Variants in ABAT observed in about 807,000 individuals in gnomAD.
ABAT encodes 4-aminobutyrate aminotransferase, mitochondrial.
In ABAT, 45 loss-of-function variants were observed where a neutral mutation model predicts 64.6. The ratio of observed to expected loss-of-function variants is 0.70; its 90% confidence interval spans 0.55 to 0.89. The LOEUF (loss-of-function observed/expected upper bound fraction) is 0.89. ABAT is among the 40% of genes least tolerant of loss of function. ABAT has a pLI of 0.00. For synonymous variants in ABAT, 297 were observed against 250.5 expected, an observed-to-expected ratio of 1.19 and a Z score of -1.75; for missense variants, 633 against 658.4, an observed-to-expected ratio of 0.96 and a Z score of 0.42.
intron 5 of ABAT, among the ~76,000 whole-genome samples, chr16:8,754,698 CTTTCTTTCTTTCTTTCTTTCTTTCTTTT>C (rs2059598519): frequency 1.4e-4 from 10 of 72,242 alleles, no homozygotes; most frequent in East Asian, 4.9e-4. Context: ...TTCTTTCTTT[CTTTCTTTCTTTCTTTCTTTCTTTCTTTT>C]TTTTTTCTTG....
At chr16:8,755,788 G>A (rs892825025) in intron 5 of ABAT, among the ~76,000 whole-genome samples, 1 of 151,530 alleles carries the variant, frequency 6.6e-6, no homozygotes, top group South Asian at 2.1e-4. Context: ...GGTGACTACC[G>A]CCTGTAATCC....
chr16:8,682,774 C>G (rs1341944761), intron 1 of ABAT, among the ~76,000 whole-genome samples: 2 of 152,172 alleles, frequency 1.3e-5, no homozygotes, highest in African/African-American at 4.8e-5. Context: ...TATTCTAGTA[C>G]CTTACTACTG....
At chr16:8,758,419 G>T (rs1418165679) in intron 6 of ABAT, among the ~76,000 whole-genome samples, 2 of 152,194 alleles carry the variant, frequency 1.3e-5, no homozygotes, top group Non-Finnish European at 2.9e-5. Context: ...TCTCAGCAGA[G>T]AGAAGAGGGC....
intron 12 of ABAT, 92 bp downstream of exon 12, chr16:8,773,009 C>T (rs527344413): frequency 1.3e-6 from 2 of 1,547,568 alleles, no homozygotes; most frequent in South Asian, 2.3e-5. Flanking sequence ...TGCCTTGGAG[C>T]TTCTGTCAAT....
At chr16:8,774,823 A>G (rs1019160473) in intron 12 of ABAT, 67 bp from the exon 13 acceptor site, 1 of 1,595,512 alleles carries the variant, frequency 6.3e-7, no homozygotes, top group Non-Finnish European at 8.6e-7. Flanking sequence ...TTAGCTGGCT[A>G]TGGAGGGCAT....
rs41311266 is a variant in ABAT at position 8,772,933 on chromosome 16, C to T, written c.954+16C>T. On this transcript the variant is annotated intron_variant, in intron 12 of 15. Transcript: ENST00000268251. ...CGCCAGGAAGGTCAGTGGACAGGGC[C>T]GAGGTTGGATGGAGCCATTGGGTTT... The T allele has an allele frequency of 7.5e-3, 12,127 of 1,612,984 alleles. 85 individuals are homozygous for T. Among genetic ancestry groups the T allele is most frequent in the Middle Eastern group, 0.026 (140 of 5,372 alleles).
intron 12 of ABAT, 30 bp downstream of exon 12, chr16:8,772,947 G>C (rs748499223): frequency 2.0e-5 from 32 of 1,612,414 alleles, no homozygotes; most frequent in Non-Finnish European, 2.5e-5. Flanking sequence ...GTTGGATGGA[G>C]CCATTGGGTT....
At chr16:8,677,401 T>C (rs1295916950) in intron 1 of ABAT, among the ~76,000 whole-genome samples, 1 of 152,186 alleles carries the variant, frequency 6.6e-6, no homozygotes, top group East Asian at 1.9e-4. Flanking sequence ...TGAAGCCAGA[T>C]GGAGTAGAGA....
intron 1 of ABAT, among the ~76,000 whole-genome samples, chr16:8,711,395 G>A (rs1315940509): frequency 2.6e-5 from 4 of 152,148 alleles, no homozygotes; most frequent in Non-Finnish European, 4.4e-5. Context: ...CAGAGCTACC[G>A]TGGAAGTCAA....
chr16:8,754,084 G>T (rs1048099670), intron 5 of ABAT, among the ~76,000 whole-genome samples: 5 of 149,654 alleles, frequency 3.3e-5, no homozygotes, highest in Admixed American at 1.4e-4. Context: ...AGTGGCTCAC[G>T]CCTGTAATCC....
In ABAT at chr16:8,700,550, C is replaced by T. The variant is rs150256429; in HGVS notation, c.-42+25839C>T. 9.7e-4 allele frequency among the ~76,000 whole-genome samples: 148 copies of T among 152,284 alleles called. 2 individuals carry two copies. In the Middle Eastern group the frequency reaches 0.014, roughly 14 times the overall value. On this transcript the variant is annotated intron_variant, in intron 1 of 15. Transcript: ENST00000268251. ...TATAAACGGAATCATACCGTAGATA[C>T]TCCTTGATGTCAGGCGTCTCCCTCT...
At chr16:8,685,195 A>G (rs1401355234) in intron 1 of ABAT, among the ~76,000 whole-genome samples, 2 of 152,120 alleles carry the variant, frequency 1.3e-5, no homozygotes, top group African/African-American at 4.8e-5. Context: ...CTGAGGCACA[A>G]GAATCACTTG....
intron 14 of ABAT, among the ~76,000 whole-genome samples, chr16:8,777,273 C>T (rs568987736): frequency 2.4e-4 from 36 of 152,092 alleles, no homozygotes; most frequent in Admixed American, 9.2e-4. Context: ...CTCTCTCACC[C>T]CCTCTAGTGT....
At position 8,776,508 on chromosome 16, in the gene ABAT, G is replaced by T. The variant is rs1567317709; in HGVS notation, c.1269+18G>T. ...ACCTCCAGGTAACACCCCCTCCCCT[G>T]CCCCGCCCCCACCACCCATGGCTCC... is the stretch of plus-strand genomic sequence containing the variant. On this transcript the variant is annotated intron_variant, in intron 14 of 15. Transcript: ENST00000268251. This position sits in a 1 kb window ranked among gnomAD's most constrained non-coding sequence, Gnocchi z 4.4. The T allele has an allele frequency of 6.3e-7, 1 of 1,580,272 alleles. No individual in the cohort carries two copies. The highest frequency in any genetic ancestry group is 8.6e-7 in the Non-Finnish European group (1 of 1,163,580).
intron 9 of ABAT, among the ~76,000 whole-genome samples, chr16:8,766,658 CAAACAAAA>C (rs541383532): frequency 3.4e-4 from 50 of 147,752 alleles, no homozygotes; most frequent in Middle Eastern, 3.8e-3. Context: ...CCTCTCAAAA[CAAACAAAA>C]AAACAAAAAC....
At chr16:8,726,923 T>C (rs913779156) in intron 1 of ABAT, among the ~76,000 whole-genome samples, 1 of 152,248 alleles carries the variant, frequency 6.6e-6, no homozygotes, top group Admixed American at 6.5e-5. Flanking sequence ...AGTTTTGATT[T>C]GCCTTCTCTG....
intron 14 of ABAT, among the ~76,000 whole-genome samples, chr16:8,778,514 CCT>C (rs2060333457): frequency 6.6e-6 from 1 of 152,184 alleles, no homozygotes; most frequent in African/African-American, 2.4e-5. Context: ...GTGGCTCACA[CCT>C]GTAATCCCAG....
At chr16:8,751,443 G>C (rs1340246463) in intron 5 of ABAT, among the ~76,000 whole-genome samples, 1 of 152,088 alleles carries the variant, frequency 6.6e-6, no homozygotes, top group Non-Finnish European at 1.5e-5. Flanking sequence ...CAGGAGAAAG[G>C]GGAGGAAAGG....
intron 2 of ABAT, among the ~76,000 whole-genome samples, chr16:8,744,842 C>T (rs1224911306): frequency 1.3e-5 from 2 of 152,002 alleles, no homozygotes; most frequent in South Asian, 2.1e-4. Context: ...CATGCTAATA[C>T]CATGGGCATC....
Sources: allele counts gnomAD v4.1 joint callset (sites outside exome capture counted in the v4.1 genomes callset), GRCh38; gene constraint gnomAD v4.1.1; non-coding constraint Gnocchi (gnomAD v3.1); transcripts MANE v1.5; gene names NCBI Gene and HGNC (gene_info 2026-07-23, HGNC 2026-07-21).